The following OSBPL3 variants were observed in gnomAD, a reference collection of about 807,000 sequenced individuals.
The protein encoded by OSBPL3 is oxysterol binding protein like 3.
Under a neutral mutation model 120.1 loss-of-function variants are expected in OSBPL3, and 65 were observed. The ratio of observed to expected loss-of-function variants is 0.54; its 90% confidence interval spans 0.44 to 0.67. OSBPL3 has a LOEUF of 0.67. OSBPL3 is among the 30% of genes least tolerant of loss of function. The pLI is 0.00. For synonymous variants in OSBPL3, 416 were observed against 402.6 expected (o/e 1.03, Z -0.40); for missense variants, 1,004 against 1,082.1 (o/e 0.93, Z 1.01).
At chr7:24,864,558 T>G (rs1242556417) in intron 7 of OSBPL3, among the ~76,000 whole-genome samples, 1 of 152,236 alleles carries the variant, frequency 6.6e-6, no homozygotes, top group Non-Finnish European at 1.5e-5. Flanking sequence ...TGATATTACC[T>G]GTATTCAACA....
rs769038298 is a variant in OSBPL3 at position 24,834,389 on chromosome 7, G to A, written c.1746+97C>T. ...TTTACGGAACAATCAAAATGAAACC[G>A]GAGGGAACAGGGGCTGTCTCTCTGA... On this transcript the variant is annotated intron_variant, in intron 15 of 22. Transcript: ENST00000313367. The surrounding 1 kb of genome is among the most constrained non-coding windows in gnomAD (Gnocchi z 5.2). 2 of 1,520,672 alleles carry A rather than the reference G, an allele frequency of 1.3e-6. No individual in the cohort carries two copies. The highest frequency in any genetic ancestry group is 1.4e-5 in the African/African-American group (1 of 71,876). 94.2% of individuals were successfully genotyped at this position (1,520,672 alleles called of 1,614,324 possible).
chr7:24,841,703 A>G (rs1260579992), intron 13 of OSBPL3, among the ~76,000 whole-genome samples: 1 of 141,852 alleles, frequency 7.0e-6, no homozygotes, highest in Non-Finnish European at 1.5e-5. Flanking sequence ...TCAAAAAAAA[A>G]AAAAAAAAAA....
chr7:24,841,505 T>C (rs1035514077), intron 13 of OSBPL3, among the ~76,000 whole-genome samples: 2 of 151,416 alleles, frequency 1.3e-5, no homozygotes, highest in African/African-American at 2.4e-5. Flanking sequence ...GAGGTCAGCC[T>C]GGCCAACATG....
chr7:24,970,777 G>T (rs1025595012), intron 1 of OSBPL3, among the ~76,000 whole-genome samples: 2 of 152,156 alleles, frequency 1.3e-5, no homozygotes, highest in African/African-American at 4.8e-5. Context: ...ACGTTAGTGT[G>T]CATCATAATC....
Position 24,913,618 on chromosome 7 carries a change from T to C in OSBPL3, c.-149-20997A>G, listed in dbSNP as rs978844620. Among the ~76,000 whole-genome samples the C allele has an allele frequency of 2.0e-5, 3 of 152,032 alleles. No individual in the cohort carries two copies. The highest frequency in any genetic ancestry group is 2.1e-4 in the South Asian group (1 of 4,812). On this transcript the variant is annotated intron_variant, in intron 1 of 22. Transcript: ENST00000313367. The surrounding 1 kb of genome is among the most constrained non-coding windows in gnomAD (Gnocchi z 5.3). Reference sequence around the variant, plus strand: ...GGGAATCTAGGACTGGGCACAAAGATGAAAAGACACATGAACCCCTTAAAA... The same window carrying C: ...GGGAATCTAGGACTGGGCACAAAGACGAAAAGACACATGAACCCCTTAAAA...
At chr7:24,961,822 C>T (rs1022000817) in intron 1 of OSBPL3, among the ~76,000 whole-genome samples, 2 of 152,172 alleles carry the variant, frequency 1.3e-5, no homozygotes, top group African/African-American at 4.8e-5. Flanking sequence ...CTCAAAAGTC[C>T]ATACAATAAA....
At position 24,979,843 on chromosome 7, in the gene OSBPL3, C is replaced by T. The variant is rs917428449; in HGVS notation, c.-150+43G>A. The T allele has an allele frequency of 8.3e-6, 8 of 960,188 alleles. No homozygotes were observed. The African/African-American group carries it at 1.4e-4, about 17-fold the overall frequency. 59.5% of individuals were successfully genotyped at this position (960,188 alleles called of 1,614,324 possible). On this transcript the variant is annotated intron_variant, in intron 1 of 22. Transcript: ENST00000313367. ...CCGAGCCCGCGCCGCCGCCAGGCCC[C>T]CCGACACCCAGGCCCCATTTAGGCG...
chr7:24,812,650 G>A (rs1434188744), intron 19 of OSBPL3, among the ~76,000 whole-genome samples: 1 of 152,140 alleles, frequency 6.6e-6, no homozygotes, highest in African/African-American at 2.4e-5. Context: ...AAAAACCCTA[G>A]TACTATTTTC....
chr7:24,942,675 T>C (rs909106429), intron 1 of OSBPL3, among the ~76,000 whole-genome samples: 1 of 152,216 alleles, frequency 6.6e-6, no homozygotes, highest in African/African-American at 2.4e-5. Context: ...AGGCTAGGAA[T>C]ATTCAAAATG....
rs748610363 is a variant in OSBPL3 at position 24,953,346 on chromosome 7, CA to C, written c.-150+26539del. Among the ~76,000 whole-genome samples, 47 of 151,658 alleles carry C rather than the reference CA, an allele frequency of 3.1e-4. No homozygotes were observed. Among genetic ancestry groups the C allele is most frequent in the African/African-American group, 1.1e-3 (45 of 41,384 alleles). On this transcript the variant is annotated intron_variant, in intron 1 of 22. Transcript: ENST00000313367. This position sits in a 1 kb window ranked among gnomAD's most constrained non-coding sequence, Gnocchi z 4.3. Reference sequence around the variant, plus strand: ...AGCAACTCTTCCCTGGGGTTTCTTTCAAAAAAAATTATACCAGCAGGTTCTA... The same window carrying C: ...AGCAACTCTTCCCTGGGGTTTCTTTCAAAAAAATTATACCAGCAGGTTCTA...
rs1032283268 is a variant in OSBPL3, at chr7:24,819,047, G to C, written c.1948+1128C>G. On this transcript the variant is annotated intron_variant, in intron 17 of 22. Coordinates refer to ENST00000313367, the MANE Select transcript of OSBPL3 (RefSeq NM_015550.4). The surrounding 1 kb of genome is among the most constrained non-coding windows in gnomAD (Gnocchi z 4.1). Reference sequence around the variant, plus strand: ...AGGCAGGCGGATCACAAGGTCAAGAGATCAAGACCATCCTGGCCAACATGG... The same window carrying C: ...AGGCAGGCGGATCACAAGGTCAAGACATCAAGACCATCCTGGCCAACATGG... Among the ~76,000 whole-genome samples, 1 of 152,112 alleles carries C rather than the reference G, an allele frequency of 6.6e-6. No individual in the cohort carries two copies. The highest frequency in any genetic ancestry group is 2.4e-5 in the African/African-American group (1 of 41,410).
rs549508440 is a variant in OSBPL3, at chr7:24,842,230, A to C, written c.1401+49T>G. The stretch of plus-strand genomic sequence containing the variant: ...ATTTACTGAACAGATTAATCAGCAA[A>C]GCAACAAGAGAGATTTTTGAGGCAC... On this transcript the variant is annotated intron_variant, in intron 13 of 22. Coordinates refer to ENST00000313367, the MANE Select transcript of OSBPL3 (RefSeq NM_015550.4). The C allele has an allele frequency of 4.4e-6, 7 of 1,586,626 alleles. No individual in the cohort carries two copies. In the African/African-American group the frequency reaches 6.8e-5, roughly 15 times the overall value.
At chr7:24,975,237 T>G (rs1019377314) in intron 1 of OSBPL3, among the ~76,000 whole-genome samples, 2 of 152,216 alleles carry the variant, frequency 1.3e-5, no homozygotes, top group Admixed American at 1.3e-4. Flanking sequence ...CAATGATTAC[T>G]ACATGTGTGA....
chr7:24,861,018 C>G (rs1800453368), intron 10 of OSBPL3, among the ~76,000 whole-genome samples: 1 of 152,168 alleles, frequency 6.6e-6, no homozygotes, highest in Non-Finnish European at 1.5e-5. Context: ...TCCAGAGTGG[C>G]TACACCATTT....
chr7:24,820,806 AGT>A lies in OSBPL3; in HGVS notation c.1885-570_1885-569del, dbSNP rs146631436. Among the ~76,000 whole-genome samples, 5,807 of 130,634 alleles carry A rather than the reference AGT, an allele frequency of 0.044. 217 individuals carry two copies. Among genetic ancestry groups the A allele is most frequent in the East Asian group, 0.18 (684 of 3,856 alleles). 85.7% of individuals were successfully genotyped at this position (130,634 alleles called of 152,430 possible). A position where few individuals can be genotyped will look rare whatever the true frequency, so the allele number is the denominator to read the frequency against. ...ATGCAAGGTAATTTTTTTAAAAAAG[AGT>A]GTTTCTATTAAAAAAAAAAAAGGTA... On this transcript the variant is annotated intron_variant, in intron 16 of 22. Coordinates refer to ENST00000313367, the MANE Select transcript of OSBPL3 (RefSeq NM_015550.4). This position sits in a 1 kb window ranked among gnomAD's most constrained non-coding sequence, Gnocchi z 4.6.
chr7:24,826,998 T>C, intron 16 of OSBPL3, among the ~76,000 whole-genome samples: 1 of 152,288 alleles, frequency 6.6e-6, no homozygotes, highest in East Asian at 1.9e-4. Flanking sequence ...CAGACTGTTG[T>C]CTAGAAAACT....
rs1800901510 is a variant in OSBPL3 at position 24,863,621 on chromosome 7, T to C, written c.674-22A>G. On this transcript the variant is annotated intron_variant, in intron 7 of 22. Coordinates refer to ENST00000313367, the MANE Select transcript of OSBPL3 (RefSeq NM_015550.4). This position sits in a 1 kb window ranked among gnomAD's most constrained non-coding sequence, Gnocchi z 5.8. ...AGGTCTGTGGGGGAAAAGAGGACAG[T>C]GCTCACAATGCTCCACTAGCAAGAG... 2 of 1,428,996 alleles carry C rather than the reference T, an allele frequency of 1.4e-6. No homozygotes were observed. The highest frequency in any genetic ancestry group is 2.0e-6 in the Non-Finnish European group (2 of 1,011,106). The allele number at this position is 1,428,996 out of a possible 1,614,324, so 88.5% of individuals were successfully genotyped here.
chr7:24,977,556 G>A (rs1013825277), intron 1 of OSBPL3, among the ~76,000 whole-genome samples: 10 of 41,766 alleles, frequency 2.4e-4, no homozygotes, highest in Admixed American at 5.4e-4. Flanking sequence ...CCAGCAAGAC[G>A]GTGAAAATTA....
At chr7:24,925,899 C>T (rs73076252) in intron 1 of OSBPL3, among the ~76,000 whole-genome samples, 3,795 of 152,236 alleles carry the variant, frequency 0.025, 143 homozygotes, top group East Asian at 0.15. Context: ...TTAGTTTCCA[C>T]GGATCACTAT....
Sources: allele counts gnomAD v4.1 joint callset (sites outside exome capture counted in the v4.1 genomes callset), GRCh38; gene constraint gnomAD v4.1.1; non-coding constraint Gnocchi (gnomAD v3.1); transcripts MANE v1.5; gene names NCBI Gene and HGNC (gene_info 2026-07-23, HGNC 2026-07-21).